The following EHD2 variants were observed in gnomAD, a reference collection of about 807,000 sequenced individuals.
The protein encoded by EHD2 is EH domain-containing protein 2.
Under a neutral mutation model 41.0 loss-of-function variants are expected in EHD2, and 27 were observed. The ratio of observed to expected loss-of-function variants is 0.66; its 90% CI spans 0.49 to 0.91. EHD2 has a LOEUF of 0.91. Among genes scored for constraint, EHD2 ranks in the 40% least tolerant of loss-of-function variants. The pLI, the probability that EHD2 is intolerant of heterozygous loss-of-function variation, is 0.00. For synonymous variants in EHD2, 342 were observed against 341.0 expected, an observed-to-expected ratio of 1.00 and a Z score of -0.03; for missense variants, 673 against 773.9, an observed-to-expected ratio of 0.87 and a Z score of 1.55.
chr19:47,727,330 C>G (rs1307220585), intron 4 of EHD2, among the ~76,000 whole-genome samples: 2 of 151,934 alleles, frequency 1.3e-5, no homozygotes, highest in African/African-American at 2.4e-5. Flanking sequence ...CTCTCAACCT[C>G]AGGTGATCCG....
chr19:47,726,185 C>A lies in EHD2; in HGVS notation c.876C>A (p.Arg292=), dbSNP rs1973750378. Residue 292 remains arginine, a synonymous_variant, in exon 4 of 6, where the codon CGC becomes CGA. Coordinates refer to ENST00000263277, the MANE Select transcript of EHD2 (RefSeq NM_014601.4). The stretch of plus-strand genomic sequence containing the variant: ...GCCTGCCCCGGCACGCAGCCTTGCG[C>A]AAGCTCAACGACCTGGTGAAGAGGG... ...IQGLPRHAAL[R]KLNDLVKRAR... is the part of the protein sequence containing the mutation. The A allele has an allele frequency of 6.4e-7, 1 of 1,559,798 alleles. No homozygotes were observed. The highest frequency in any genetic ancestry group is 8.7e-7 in the Non-Finnish European group (1 of 1,153,552).
At chr19:47,729,031 CAG>C (rs1973781606) in intron 4 of EHD2, among the ~76,000 whole-genome samples, 1 of 152,214 alleles carries the variant, frequency 6.6e-6, no homozygotes, top group Non-Finnish European at 1.5e-5. Context: ...GGAGACACAA[CAG>C]TGACCACGAT....
intron 4 of EHD2, chr19:47,731,287 T>A (rs1209915498): frequency 0.015 from 1,250 of 81,026 alleles, 65 homozygotes; most frequent in African/African-American, 0.04. Context: ...AAAATATATA[T>A]ATATATATAT....
At chr19:47,718,371 C>T in intron 2 of EHD2, 138 bp from the exon 3 acceptor site, 2 of 650,162 alleles carry the variant, frequency 3.1e-6, no homozygotes. Flanking sequence ...GTCCTGGTTG[C>T]CCTTTTTCTG....
Position 47,736,517 on chromosome 19 carries a change from A to C in EHD2, c.1064A>C (p.Asp355Ala). The change falls in exon 5 of 6, where the codon GAT (aspartate) becomes GCT (alanine). Residue 355 changes from aspartate to alanine, a missense_variant. Transcript: ENST00000263277. ...CACATCTCCCCTGGGGACTTTCCTG[A>C]TTGCCAGAAAATGCAGGTGGGAAGC... ...EHHISPGDFP[D>A]CQKMQELLMA... 1 of 1,589,962 alleles carries C rather than the reference A, an allele frequency of 6.3e-7. No individual in the cohort carries two copies. Among genetic ancestry groups the C allele is most frequent in the Non-Finnish European group, 8.6e-7 (1 of 1,168,260 alleles).
rs1003838776 is a variant in EHD2, at chr19:47,719,463, G to A, written c.502+857G>A. ...TGGATTCCAGCCGGGGCCTCCGGGCGTGCTGAGCCCTCACCACCCCTGCCC... is the reference window on the plus strand; with the variant it reads ...TGGATTCCAGCCGGGGCCTCCGGGCATGCTGAGCCCTCACCACCCCTGCCC... On this transcript the variant is annotated intron_variant, in intron 3 of 5. Transcript: ENST00000263277. The surrounding 1 kb of genome is among the most constrained non-coding windows in gnomAD (Gnocchi z 4.1). 1.2e-4 allele frequency among the ~76,000 whole-genome samples: 19 copies of A among 152,182 alleles called. No homozygotes were observed. Among genetic ancestry groups the A allele is most frequent in the African/African-American group, 4.3e-4 (18 of 41,522 alleles).
In EHD2 at chr19:47,716,930, G is replaced by A; in HGVS notation, c.318G>A (p.Glu106=). The A allele has an allele frequency of 6.2e-7, 1 of 1,610,406 alleles. No individual in the cohort carries two copies. The highest frequency in any genetic ancestry group is 2.2e-5 in the East Asian group (1 of 44,878). ...TGGCCGTCATGCACGGGGACACTGA[G>A]GGCACCGTGCCCGGCAACGCCCTCG... ...CFVAVMHGDT[E]GTVPGNALVV... Residue 106 remains glutamate, a synonymous_variant, in exon 2 of 6, where the codon GAG becomes GAA. Coordinates refer to ENST00000263277, the MANE Select transcript of EHD2 (RefSeq NM_014601.4).
At chr19:47,738,921 C>G (rs73941232) in intron 5 of EHD2, among the ~76,000 whole-genome samples, 1 of 152,142 alleles carries the variant, frequency 6.6e-6, no homozygotes, top group Admixed American at 6.6e-5. Context: ...CAAGTCCACC[C>G]CTACACCCCA....
intron 5 of EHD2, 129 bp downstream of exon 5, chr19:47,736,662 G>C: frequency 7.9e-6 from 8 of 1,019,104 alleles, no homozygotes; most frequent in South Asian, 2.0e-5. Flanking sequence ...CCCTCAAATA[G>C]TTCCGTGGGA....
chr19:47,728,420 C>T (rs1973774059), intron 4 of EHD2, among the ~76,000 whole-genome samples: 1 of 152,114 alleles, frequency 6.6e-6, no homozygotes, highest in African/African-American at 2.4e-5. Flanking sequence ...CCATGCCCTC[C>T]TTTGAATGAA....
intron 5 of EHD2, among the ~76,000 whole-genome samples, chr19:47,738,330 T>C (rs1966946897): frequency 6.6e-6 from 1 of 151,198 alleles, no homozygotes; most frequent in African/African-American, 2.4e-5. Flanking sequence ...TGAGATGGAG[T>C]CTTGCTCTGT....
chr19:47,741,589 G>A lies in EHD2; in HGVS notation c.*157G>A, dbSNP rs547635108. 2.4e-5 allele frequency: 20 copies of A among 847,644 alleles called. No individual in the cohort carries two copies. In the African/African-American group the frequency reaches 3.1e-4, roughly 13 times the overall value. 52.5% of individuals were successfully genotyped at this position (847,644 alleles called of 1,614,324 possible). A position where few individuals can be genotyped will look rare whatever the true frequency, so the allele number is the denominator to read the frequency against. ...ACTACCGCCAGACACCCCGGTGGAA[G>A]CATTTAGAGGGGACCACGGGAGGGA... On this transcript the variant is annotated 3_prime_UTR_variant, in exon 6 of 6. Transcript: ENST00000263277. This position sits in a 1 kb window ranked among gnomAD's most constrained non-coding sequence, Gnocchi z 4.5.
At chr19:47,723,758 G>A (rs1428199034) in intron 3 of EHD2, among the ~76,000 whole-genome samples, 4 of 150,862 alleles carry the variant, frequency 2.7e-5, no homozygotes, top group Non-Finnish European at 5.9e-5. Context: ...GCTCACTGCA[G>A]CCTCCAACTG....
At position 47,719,829 on chromosome 19, in the gene EHD2, G is replaced by A. The variant is rs1352942544; in HGVS notation, c.502+1223G>A. On this transcript the variant is annotated intron_variant, in intron 3 of 5. Coordinates refer to ENST00000263277, the MANE Select transcript of EHD2 (RefSeq NM_014601.4). The surrounding 1 kb of genome is among the most constrained non-coding windows in gnomAD (Gnocchi z 4.1). Reference sequence around the variant, plus strand: ...AGAGGCTCTCTCAGCCAGGGCAGGGGTGCCGGCAGGGGGGTTCAAAGGCCA... The same window carrying A: ...AGAGGCTCTCTCAGCCAGGGCAGGGATGCCGGCAGGGGGGTTCAAAGGCCA... Among the ~76,000 whole-genome samples the A allele has an allele frequency of 1.3e-5, 2 of 152,050 alleles. No homozygotes were observed. Among genetic ancestry groups the A allele is most frequent in the African/African-American group, 4.8e-5 (2 of 41,380 alleles).
chr19:47,715,077 AT>A (rs1973611630), intron 1 of EHD2, among the ~76,000 whole-genome samples: 1 of 151,594 alleles, frequency 6.6e-6, no homozygotes, highest in East Asian at 1.9e-4. Flanking sequence ...AAATAAATAA[AT>A]AAAAAGAAAG....
intron 4 of EHD2, among the ~76,000 whole-genome samples, chr19:47,733,277 C>G (rs1236310669): frequency 1.3e-5 from 2 of 150,750 alleles, no homozygotes; most frequent in Non-Finnish European, 3.0e-5. Context: ...GCTCTGTCAC[C>G]CAGGCTGGAG....
intron 1 of EHD2, among the ~76,000 whole-genome samples, chr19:47,714,417 T>C (rs1189281265): frequency 6.6e-6 from 1 of 152,168 alleles, no homozygotes; most frequent in Admixed American, 6.6e-5. Flanking sequence ...CGGGGAGCAA[T>C]CGTTTTTGTT....
At position 47,736,296 on chromosome 19, in the gene EHD2, G is replaced by A. The variant is rs1174748132; in HGVS notation, c.916-73G>A. ...AGTAAATCAGAATCTCTGGGAGTGGGGCCTGCAGCCTGTGTTTTAACAAGC... is the reference window on the plus strand; with the variant it reads ...AGTAAATCAGAATCTCTGGGAGTGGAGCCTGCAGCCTGTGTTTTAACAAGC... On this transcript the variant is annotated intron_variant, in intron 4 of 5. Transcript: ENST00000263277. The A allele has an allele frequency of 5.6e-6, 8 of 1,434,964 alleles. No homozygotes were observed. In the Admixed American group the frequency reaches 1.8e-4, roughly 32 times the overall value. The allele number at this position is 1,434,964 out of a possible 1,614,324, so 88.9% of individuals were successfully genotyped here. A position where few individuals can be genotyped will look rare whatever the true frequency, so the allele number is the denominator to read the frequency against.
chr19:47,728,100 T>TAAA (rs10672064), intron 4 of EHD2, among the ~76,000 whole-genome samples: 22 of 134,394 alleles, frequency 1.6e-4, no homozygotes, highest in African/African-American at 5.8e-4. Flanking sequence ...TGTCTCAAAA[T>TAAA]AAAAAAAAAA....
Sources: gnomAD v4.1 joint callset for allele counts (sites outside exome capture counted in the v4.1 genomes callset) on GRCh38, gnomAD v4.1.1 for gene constraint, Gnocchi (gnomAD v3.1) non-coding constraint, MANE v1.5 for transcripts, NCBI Gene and HGNC (gene_info 2026-07-23, HGNC 2026-07-21) for gene names.